Variants in RYR3 observed in about 807,000 individuals in gnomAD.
RYR3 encodes the protein ryanodine receptor 3.
RYR3 carries 207 observed loss-of-function variants against 584.3 expected under a neutral mutation model. The ratio of observed to expected loss-of-function variants is 0.35; its 90% confidence interval spans 0.32 to 0.40. RYR3 has a LOEUF of 0.40. Ranked by LOEUF, RYR3 falls within the 10% of genes least tolerant of loss-of-function variation. The pLI, the probability that RYR3 is intolerant of heterozygous loss-of-function variation, is 1.00. For synonymous variants in RYR3, 2,416 were observed against 2,248.5 expected (o/e 1.07, Z -2.11); for missense variants, 5,616 against 6,089.2 (o/e 0.92, Z 2.59).
At chr15:33,609,391 A>G (rs2060059568) in intron 18 of RYR3, among the ~76,000 whole-genome samples, 1 of 152,040 alleles carries the variant, frequency 6.6e-6, no homozygotes, top group Admixed American at 6.6e-5. Context: ...CAACGAGGTG[A>G]AAACCTGTAA....
chr15:33,340,684 A>G (rs1971709723), intron 1 of RYR3, among the ~76,000 whole-genome samples: 2 of 152,138 alleles, frequency 1.3e-5, no homozygotes, highest in African/African-American at 4.8e-5. Flanking sequence ...CACTAGTCCT[A>G]TTGGATTAGG....
chr15:33,775,415 AC>A (rs1378455125), intron 64 of RYR3, among the ~76,000 whole-genome samples: 1 of 151,978 alleles, frequency 6.6e-6, no homozygotes, highest in Non-Finnish European at 1.5e-5. Context: ...GCATCTGAGA[AC>A]CTGGCTCAGG....
chr15:33,748,187 G>A lies in RYR3; in HGVS notation c.8063G>A (p.Arg2688Lys). The A allele has an allele frequency of 1.2e-6, 2 of 1,613,922 alleles. No homozygotes were observed. Among genetic ancestry groups the A allele is most frequent in the Non-Finnish European group, 1.7e-6 (2 of 1,179,840 alleles). ...TMLAVGWTVE[R>K]TKEGEALVQQ... ...CTGGCTGTGGGCTGGACTGTGGAGA[G>A]GACCAAAGAGGGAGAAGCTTTGGTT... The change falls in exon 54 of 104, where the codon AGG becomes AAG. Residue 2688 changes from arginine (R) to lysine (K), a missense_variant. This residue lies in a region of RYR3 where 1,280 missense variants were observed against 1,426.2 expected (regional missense o/e 0.90). Coordinates refer to ENST00000634891, the MANE Select transcript of RYR3 (RefSeq NM_001036.6).
intron 1 of RYR3, among the ~76,000 whole-genome samples, chr15:33,312,126 C>T (rs2670942): frequency 0.7 from 106,083 of 152,136 alleles, 37,756 homozygotes; most frequent in African/African-American, 0.84. Context: ...AACGGCAAAT[C>T]GCTCTGTAAA....
intron 89 of RYR3, chr15:33,839,848 T>C (rs1242966191): frequency 6.6e-6 from 1 of 152,116 alleles, no homozygotes; most frequent in African/African-American, 2.4e-5. Context: ...AACATCAGAA[T>C]CAGCATTCCC....
chr15:33,641,923 C>T (rs575269527), intron 27 of RYR3, among the ~76,000 whole-genome samples: 5 of 152,160 alleles, frequency 3.3e-5, no homozygotes, highest in Non-Finnish European at 7.3e-5. Context: ...GGCATTCATC[C>T]CCTGAAGACT....
At chr15:33,322,444 A>G (rs1172828386) in intron 1 of RYR3, among the ~76,000 whole-genome samples, 1 of 152,182 alleles carries the variant, frequency 6.6e-6, no homozygotes, top group Non-Finnish European at 1.5e-5. Context: ...GCACCAAGAC[A>G]TGAGAAATCC....
Position 33,857,797 on chromosome 15 carries a change from T to C in RYR3, c.14025T>C (p.Gly4675=), listed in dbSNP as rs2079852092. 6.2e-7 allele frequency: 1 copy of C among 1,614,088 alleles called. No individual in the cohort carries two copies. The highest frequency in any genetic ancestry group is 8.5e-7 in the Non-Finnish European group (1 of 1,179,950). ...ATTCCCAGTTGGTTCTGACTGTCGGTCTCCTGGCCGTGGTGGTTTATCTCT... is the reference window on the plus strand; with the variant it reads ...ATTCCCAGTTGGTTCTGACTGTCGGCCTCCTGGCCGTGGTGGTTTATCTCT... The part of the protein sequence containing the change: ...HNGKQLVLTV[G]LLAVVVYLYT... The change falls in exon 99 of 104, where the codon GGT becomes GGC. Residue 4675 remains glycine, a synonymous_variant. Coordinates refer to ENST00000634891, the MANE Select transcript of RYR3 (RefSeq NM_001036.6).
At chr15:33,319,807 G>C (rs930398793) in intron 1 of RYR3, among the ~76,000 whole-genome samples, 2 of 152,156 alleles carry the variant, frequency 1.3e-5, no homozygotes, top group African/African-American at 4.8e-5. Flanking sequence ...TGGAATAATA[G>C]TTGCCCTATT....
chr15:33,565,197 T>C (rs2057642781), intron 11 of RYR3, among the ~76,000 whole-genome samples: 1 of 152,174 alleles, frequency 6.6e-6, no homozygotes, highest in Non-Finnish European at 1.5e-5. Context: ...AAATGTGTTA[T>C]CTGAGCAAGC....
At chr15:33,854,995 CAGGAAGGAAT>C in intron 98 of RYR3, 83 bp downstream of exon 98, 3 of 1,324,696 alleles carry the variant, frequency 2.3e-6, no homozygotes, top group East Asian at 2.6e-5. Context: ...CAGTATATGA[CAGGAAGGAAT>C]ATGTCTTGGT....
intron 1 of RYR3, among the ~76,000 whole-genome samples, chr15:33,370,310 C>A (rs2040239332): frequency 6.6e-6 from 1 of 152,192 alleles, no homozygotes; most frequent in Non-Finnish European, 1.5e-5. Flanking sequence ...GTCTGCCCCA[C>A]CTCTACCTCT....
chr15:33,533,732 A>G (rs1349914988), intron 5 of RYR3, among the ~76,000 whole-genome samples: 1 of 152,222 alleles, frequency 6.6e-6, no homozygotes, highest in Non-Finnish European at 1.5e-5. Flanking sequence ...GTCGTAATAA[A>G]GGCTTAAATA....
chr15:33,337,933 GA>G (rs1270065444), intron 1 of RYR3, among the ~76,000 whole-genome samples: 5 of 84,118 alleles, frequency 5.9e-5, no homozygotes, highest in African/African-American at 2.0e-4. Flanking sequence ...CATTTTAGGA[GA>G]TTTTTTTTTT....
At chr15:33,484,663 T>C (rs2050260827) in intron 2 of RYR3, among the ~76,000 whole-genome samples, 1 of 152,028 alleles carries the variant, frequency 6.6e-6, no homozygotes, top group Non-Finnish European at 1.5e-5. Context: ...GGGATCAAGG[T>C]AGGAGGAGTC....
At chr15:33,554,819 G>A (rs935364956) in intron 10 of RYR3, among the ~76,000 whole-genome samples, 1 of 152,088 alleles carries the variant, frequency 6.6e-6, no homozygotes, top group African/African-American at 2.4e-5. Flanking sequence ...ACTCCTGCAC[G>A]GCAGTATTGT....
chr15:33,410,208 A>G (rs2043306315), intron 1 of RYR3, among the ~76,000 whole-genome samples: 1 of 152,166 alleles, frequency 6.6e-6, no homozygotes, highest in African/African-American at 2.4e-5. Flanking sequence ...TGATTAAGCA[A>G]ATCCTTGGGG....
chr15:33,535,845 A>T (rs1351162571), intron 5 of RYR3, among the ~76,000 whole-genome samples: 1 of 152,210 alleles, frequency 6.6e-6, no homozygotes, highest in African/African-American at 2.4e-5. Flanking sequence ...GACAAGGCAA[A>T]CACATAGAAC....
At chr15:33,419,983 A>G (rs2141596028) in intron 1 of RYR3, among the ~76,000 whole-genome samples, 1 of 152,332 alleles carries the variant, frequency 6.6e-6, no homozygotes, top group South Asian at 2.1e-4. Context: ...CTGAAGTACA[A>G]CACAGCTGGC....
Sources: allele counts gnomAD v4.1 joint callset (sites outside exome capture counted in the v4.1 genomes callset), GRCh38; gene constraint gnomAD v4.1.1; regional missense constraint gnomAD v4.1.1; transcripts MANE v1.5; gene names NCBI Gene and HGNC (gene_info 2026-07-23, HGNC 2026-07-21).